The following ITSN1 variants were observed in gnomAD, a reference collection of about 807,000 sequenced individuals.
ITSN1 encodes the protein intersectin 1, also known as intersectin-1.
Under a neutral mutation model 239.8 loss-of-function variants are expected in ITSN1, and 58 were observed. The ratio of observed to expected loss-of-function variants is 0.24; its 90% CI spans 0.20 to 0.30. ITSN1 has a LOEUF of 0.30. ITSN1 is among the 10% of genes least tolerant of loss of function. The pLI, the probability that ITSN1 is intolerant of heterozygous loss-of-function variation, is 1.00. For synonymous variants in ITSN1, 780 were observed against 770.8 expected (o/e 1.01, Z -0.20); for missense variants, 1,558 against 2,103.3 (o/e 0.74, Z 5.07).
intron 7 of ITSN1, among the ~76,000 whole-genome samples, chr21:33,753,963 A>T (rs1000748240): frequency 6.6e-6 from 1 of 152,054 alleles, no homozygotes; most frequent in Non-Finnish European, 1.5e-5. Context: ...TTTCTAGCCA[A>T]TTTTTGCAAT....
intron 1 of ITSN1, among the ~76,000 whole-genome samples, chr21:33,718,082 G>A (rs2065270533): frequency 6.6e-6 from 1 of 152,252 alleles, no homozygotes. Flanking sequence ...GAATGATATC[G>A]TGCTAATCAC....
chr21:33,788,512 C>G (rs952294379), intron 16 of ITSN1, among the ~76,000 whole-genome samples: 2 of 152,202 alleles, frequency 1.3e-5, no homozygotes, highest in African/African-American at 2.4e-5. Flanking sequence ...GAGTGGATCA[C>G]TTGAGGTCAG....
chr21:33,772,361 G>A (rs1015724181), intron 12 of ITSN1, 38 bp downstream of exon 12: 4 of 1,546,526 alleles, frequency 2.6e-6, no homozygotes, highest in Non-Finnish European at 3.5e-6. Flanking sequence ...GAGTTAGTGT[G>A]CGATCACCCC....
At chr21:33,857,589 C>A (rs1109850) in intron 30 of ITSN1, among the ~76,000 whole-genome samples, 32,767 of 152,154 alleles carry the variant, frequency 0.22, 4,304 homozygotes, top group East Asian at 0.4. Flanking sequence ...GTGAAACCAT[C>A]TTGTCTGATA....
intron 28 of ITSN1, among the ~76,000 whole-genome samples, chr21:33,835,537 G>T (rs1476465122): frequency 2.0e-5 from 3 of 152,188 alleles, no homozygotes; most frequent in Admixed American, 1.3e-4. Context: ...CTGTAAGCTT[G>T]AGAGAAAATG....
At chr21:33,845,753 CCCCGTCATGA>C (rs760215970) in intron 29 of ITSN1, among the ~76,000 whole-genome samples, 57 of 152,218 alleles carry the variant, frequency 3.7e-4, no homozygotes, top group Non-Finnish European at 7.2e-4. Context: ...ACCTTTGAGT[CCCCGTCATGA>C]CCCGTCACGA....
At position 33,882,282 on chromosome 21, in the gene ITSN1, C is replaced by T. The variant is rs1985063411; in HGVS notation, c.4381C>T (p.Arg1461Cys). The part of the protein sequence containing the change: ...FNSVTNCLGP[R>C]KFLHSGKLYK... ...TTCAGTGACCAATTGCTTGGGGCCG[C>T]GCAAATTTCTGCACAGTGGGAAGCT... Residue 1461 changes from arginine (R) to cysteine (C), a missense_variant, in exon 35 of 40, where the codon CGC becomes TGC. Around this residue, in one of 2 missense-constraint regions of ITSN1, gnomAD observed 576 missense variants for 893.3 expected, o/e 0.64. Coordinates refer to ENST00000381318, the MANE Select transcript of ITSN1 (RefSeq NM_003024.3). The surrounding 1 kb of genome is among the most constrained non-coding windows in gnomAD (Gnocchi z 4.5). 1.9e-6 allele frequency: 3 copies of T among 1,614,140 alleles called. No homozygotes were observed. The highest frequency in any genetic ancestry group is 1.7e-5 in the Admixed American group (1 of 60,010).
intron 1 of ITSN1, among the ~76,000 whole-genome samples, chr21:33,702,184 C>T (rs1184429088): frequency 2.0e-5 from 3 of 147,226 alleles, no homozygotes; most frequent in African/African-American, 7.6e-5. Flanking sequence ...GGCACTATCT[C>T]AGGTCACTGC....
chr21:33,813,900 C>T lies in ITSN1; in HGVS notation c.2568-13C>T. 6.2e-7 allele frequency: 1 copy of T among 1,609,806 alleles called. No individual in the cohort carries two copies. The highest frequency in any genetic ancestry group is 8.5e-7 in the Non-Finnish European group (1 of 1,178,644). Reference sequence around the variant, plus strand: ...AGTGCTTGTTATTCATGGTGTTGTGCTTTTCCCTCCAGGTGGCCCACCAGC... The same window carrying T: ...AGTGCTTGTTATTCATGGTGTTGTGTTTTTCCCTCCAGGTGGCCCACCAGC... On this transcript the variant is annotated splice_polypyrimidine_tract_variant and intron_variant, in intron 21 of 39. Coordinates refer to ENST00000381318, the MANE Select transcript of ITSN1 (RefSeq NM_003024.3).
At position 33,750,321 on chromosome 21, in the gene ITSN1, T is replaced by C; in HGVS notation, c.525T>C (p.Pro175=). The part of the protein sequence containing the change: ...VIQPLPAFAH[P]AATLPKSSSF... ...AACCTCTGCCTGCATTTGCTCATCC[T>C]GGTATGTGACTTGCTGAAACCATAG... Residue 175 remains proline, a splice_region_variant and synonymous_variant, in exon 6 of 40, where the codon CCT becomes CCC. Coordinates refer to ENST00000381318, the MANE Select transcript of ITSN1 (RefSeq NM_003024.3). The C allele has an allele frequency of 6.2e-7, 1 of 1,612,710 alleles. No homozygotes were observed. Among genetic ancestry groups the C allele is most frequent in the South Asian group, 1.1e-5 (1 of 91,024 alleles).
chr21:33,852,066 A>G (rs1537098), intron 29 of ITSN1, among the ~76,000 whole-genome samples: 99,306 of 151,966 alleles, frequency 0.65, 33,067 homozygotes, highest in East Asian at 0.88. Flanking sequence ...GGGATTACAG[A>G]CATAAGCCAC....
chr21:33,645,484 A>AT (rs3216560), intron 1 of ITSN1, among the ~76,000 whole-genome samples: 12,957 of 151,202 alleles, frequency 0.086, 787 homozygotes, highest in East Asian at 0.26. Context: ...CTAAAAAAAA[A>AT]TTTTTTTTAA....
intron 29 of ITSN1, among the ~76,000 whole-genome samples, chr21:33,852,496 T>C (rs937609111): frequency 2.0e-5 from 3 of 152,206 alleles, no homozygotes; most frequent in African/African-American, 7.2e-5. Context: ...CATACAAATA[T>C]CAGTTGAGGG....
chr21:33,765,991 A>G lies in ITSN1; in HGVS notation c.905A>G (p.Glu302Gly), dbSNP rs747981470. 1.5e-5 allele frequency: 24 copies of G among 1,614,192 alleles called. No homozygotes were observed. The Middle Eastern group carries it at 1.5e-3, about 100-fold the overall frequency. Residue 302 changes from glutamate (E) to glycine (G), a missense_variant, in exon 10 of 40, where the codon GAA becomes GGA. Glu to Gly is a moderately conservative substitution (Grantham distance 98, BLOSUM62 -2). Around this residue, in one of 2 missense-constraint regions of ITSN1, gnomAD observed 982 missense variants for 1,209.9 expected, o/e 0.81. Transcript: ENST00000381318. ...CCACTGCCACCTGTCCTGCCTCCAG[A>G]ATACATTCCACCTTCTTTTAGGTAA... is the stretch of plus-strand genomic sequence containing the variant. ...GQPLPPVLPP[E>G]YIPPSFRRVR...
chr21:33,854,799 G>A (rs762185), intron 29 of ITSN1, among the ~76,000 whole-genome samples: 9,807 of 152,228 alleles, frequency 0.064, 399 homozygotes, highest in East Asian at 0.076. Context: ...GCAAAAGTGC[G>A]AGCTCACCTT....
intron 1 of ITSN1, among the ~76,000 whole-genome samples, chr21:33,670,244 A>G (rs9981693): frequency 0.32 from 48,495 of 151,848 alleles, 8,081 homozygotes; most frequent in East Asian, 0.58. Context: ...GGTTCCAGCT[A>G]TGTGGGAGGC....
At chr21:33,690,772 AGT>A (rs1568945975) in intron 1 of ITSN1, among the ~76,000 whole-genome samples, 9 of 69,246 alleles carry the variant, frequency 1.3e-4, no homozygotes, top group East Asian at 6.6e-4. Context: ...GAAAAAAAAA[AGT>A]GTATATATAT....
intron 1 of ITSN1, among the ~76,000 whole-genome samples, chr21:33,690,819 ATATAT>A (rs2091501461): frequency 1.6e-5 from 1 of 61,746 alleles, no homozygotes; most frequent in African/African-American, 6.6e-5. Context: ...ATATATGTAT[ATATAT>A]ATATATATAT....
chr21:33,720,054 C>G (rs1257903793), intron 2 of ITSN1, among the ~76,000 whole-genome samples: 1 of 151,992 alleles, frequency 6.6e-6, no homozygotes, highest in Non-Finnish European at 1.5e-5. Flanking sequence ...ATTTTTGTCC[C>G]CCTTCTTAAT....
Sources: gnomAD v4.1 joint callset for allele counts (sites outside exome capture counted in the v4.1 genomes callset) on GRCh38, gnomAD v4.1.1 for gene constraint, gnomAD v4.1.1 regional missense constraint, Gnocchi (gnomAD v3.1) non-coding constraint, MANE v1.5 for transcripts, NCBI Gene and HGNC (gene_info 2026-07-23, HGNC 2026-07-21) for gene names.